The following CSMD1 variants were observed in gnomAD, a reference collection of about 807,000 sequenced individuals.
CSMD1 encodes the protein CUB and sushi domain-containing protein 1.
Under a neutral mutation model 417.5 loss-of-function variants are expected in CSMD1, and 213 were observed. That is an observed-to-expected ratio of 0.51 (90% CI 0.46 to 0.57). The LOEUF is 0.57. Ranked by LOEUF, CSMD1 falls within the 20% of genes least tolerant of loss-of-function variation. The probability of loss-of-function intolerance (pLI) is 0.00; values close to 1 mark genes in which losing one functional copy is unlikely to be tolerated. For synonymous variants in CSMD1, 2,862 were observed against 1,736.8 expected (o/e 1.65, Z -16.11); for missense variants, 6,923 against 4,529.7 (o/e 1.53, Z -15.17).
chr8:3,151,659 G>A (rs1585489947), intron 39 of CSMD1, 146 bp from the exon 40 acceptor site: 1 of 580,270 alleles, frequency 1.7e-6, no homozygotes, highest in Non-Finnish European at 3.1e-6. Context: ...ATACAATGCT[G>A]TGTGCCTTAG....
intron 5 of CSMD1, among the ~76,000 whole-genome samples, chr8:3,925,234 G>A (rs905558240): frequency 3.9e-5 from 6 of 152,186 alleles, no homozygotes; most frequent in Admixed American, 2.6e-4. Flanking sequence ...TTGCTTTACA[G>A]CGACCTATAA....
In CSMD1 at chr8:3,396,376, T is replaced by C; in HGVS notation, c.2411A>G (p.Gln804Arg). The C allele has an allele frequency of 6.3e-7, 1 of 1,576,998 alleles. No homozygotes were observed. Among genetic ancestry groups the C allele is most frequent in the Non-Finnish European group, 8.6e-7 (1 of 1,161,528 alleles). ...CAAGGTGTCATAATTGACCTCTGTC[T>C]GAAATCTGCAAATATATACATCCCA... ...HSIKITFDRF[Q>R]TEVNYDTLEV... Residue 804 changes from glutamine (Q) to arginine (R), a missense_variant, in exon 17 of 70, where the codon CAG becomes CGG. Coordinates refer to ENST00000635120, the MANE Select transcript of CSMD1 (RefSeq NM_033225.6).
At chr8:3,821,685 G>C (rs1801745603) in intron 5 of CSMD1, among the ~76,000 whole-genome samples, 1 of 152,162 alleles carries the variant, frequency 6.6e-6, no homozygotes, top group Non-Finnish European at 1.5e-5. Flanking sequence ...AGGAGGCTGA[G>C]GCAAGAGAAC....
chr8:4,417,350 C>A (rs538902713), intron 3 of CSMD1, among the ~76,000 whole-genome samples: 1 of 152,006 alleles, frequency 6.6e-6, no homozygotes, highest in East Asian at 1.9e-4. Flanking sequence ...CAAAGTACTG[C>A]CAGACAACAG....
rs141990936 is a variant in CSMD1, at chr8:4,596,397, G to A, written c.302+40945C>T. On this transcript the variant is annotated intron_variant, in intron 2 of 69. Coordinates refer to ENST00000635120, the MANE Select transcript of CSMD1 (RefSeq NM_033225.6). The stretch of plus-strand genomic sequence containing the variant: ...GGAAAAATGATTTCTAGACTGAATC[G>A]TCAAAGACAATTTTCTATTCATTTC... Among the ~76,000 whole-genome samples, 20 of 152,156 alleles carry A rather than the reference G, an allele frequency of 1.3e-4. No individual in the cohort carries two copies. In the East Asian group the frequency reaches 2.9e-3, roughly 22 times the overall value.
At chr8:4,900,825 T>C (rs956768372) in intron 1 of CSMD1, among the ~76,000 whole-genome samples, 2 of 152,234 alleles carry the variant, frequency 1.3e-5, no homozygotes, top group African/African-American at 4.8e-5. Context: ...ACATGAATTC[T>C]CACGGCTCTA....
intron 3 of CSMD1, among the ~76,000 whole-genome samples, chr8:4,359,812 G>T (rs538713201): frequency 1.3e-5 from 2 of 152,198 alleles, no homozygotes; most frequent in African/African-American, 2.4e-5. Flanking sequence ...CTAGTTGCAG[G>T]AACCCACCAT....
At chr8:4,108,772 C>G (rs530770998) in intron 3 of CSMD1, among the ~76,000 whole-genome samples, 2 of 152,318 alleles carry the variant, frequency 1.3e-5, no homozygotes, top group Non-Finnish European at 1.5e-5. Context: ...TCATTAAGAT[C>G]TGAAATATCT....
chr8:4,624,294 T>G (rs1404015666), intron 2 of CSMD1, among the ~76,000 whole-genome samples: 1 of 152,050 alleles, frequency 6.6e-6, no homozygotes, highest in Non-Finnish European at 1.5e-5. Context: ...AGGGAAAGGG[T>G]TAGCTAGTCT....
intron 48 of CSMD1, among the ~76,000 whole-genome samples, chr8:3,089,964 T>A: frequency 6.6e-6 from 1 of 152,224 alleles, no homozygotes; most frequent in Non-Finnish European, 1.5e-5. Flanking sequence ...ATGTTCATCA[T>A]GATTTTCTCT....
At chr8:4,018,568 G>A (rs996053617) in intron 4 of CSMD1, among the ~76,000 whole-genome samples, 3 of 152,206 alleles carry the variant, frequency 2.0e-5, no homozygotes, top group Non-Finnish European at 2.9e-5. Context: ...GAGAAAAGCA[G>A]AGCCTCTCCA....
intron 1 of CSMD1, among the ~76,000 whole-genome samples, chr8:4,906,637 A>T: frequency 6.6e-6 from 1 of 151,876 alleles, no homozygotes; most frequent in East Asian, 1.9e-4. Flanking sequence ...CAGCTGTGCA[A>T]CCTCCAACTC....
chr8:4,176,075 A>C (rs1461484010), intron 3 of CSMD1, among the ~76,000 whole-genome samples: 1 of 151,964 alleles, frequency 6.6e-6, no homozygotes, highest in African/African-American at 2.4e-5. Flanking sequence ...TAGATGTGGA[A>C]CCCTTGCAGA....
intron 3 of CSMD1, among the ~76,000 whole-genome samples, chr8:4,234,332 G>C (rs1271231171): frequency 6.6e-6 from 1 of 152,110 alleles, no homozygotes; most frequent in East Asian, 1.9e-4. Context: ...GTTTAGAAAT[G>C]GGCCGAGGCT....
At chr8:3,149,814 C>T (rs1819081676) in intron 40 of CSMD1, among the ~76,000 whole-genome samples, 1 of 152,120 alleles carries the variant, frequency 6.6e-6, no homozygotes, top group African/African-American at 2.4e-5. Flanking sequence ...GAAACTGGAG[C>T]CCCTGTGCCT....
At chr8:3,490,697 G>C (rs1818322425) in intron 11 of CSMD1, among the ~76,000 whole-genome samples, 1 of 152,028 alleles carries the variant, frequency 6.6e-6, no homozygotes, top group Non-Finnish European at 1.5e-5. Flanking sequence ...AATAGCTGGA[G>C]CCAGAAACTC....
intron 4 of CSMD1, among the ~76,000 whole-genome samples, chr8:4,008,098 A>G (rs535386889): frequency 2.6e-5 from 4 of 152,186 alleles, no homozygotes; most frequent in African/African-American, 9.6e-5. Flanking sequence ...TTTTAAACTC[A>G]CCAGAGCTGC....
At chr8:3,088,635 T>C (rs1814708135) in intron 48 of CSMD1, among the ~76,000 whole-genome samples, 1 of 152,120 alleles carries the variant, frequency 6.6e-6, no homozygotes, top group South Asian at 2.1e-4. Context: ...CATTTCCTTT[T>C]TTTTAATGGG....
chr8:3,789,390 G>GT (rs67068655), intron 5 of CSMD1, among the ~76,000 whole-genome samples: 1,395 of 136,510 alleles, frequency 0.01, 42 homozygotes, highest in African/African-American at 0.036. Context: ...TTTAAGTAGT[G>GT]TTTTTTTTTT....
Sources: gnomAD v4.1 joint callset for allele counts (sites outside exome capture counted in the v4.1 genomes callset) on GRCh38, gnomAD v4.1.1 for gene constraint, MANE v1.5 for transcripts, NCBI Gene and HGNC (gene_info 2026-07-23, HGNC 2026-07-21) for gene names.